SLC35F4: variants seen among roughly 807,000 people sequenced by gnomAD.
The protein encoded by SLC35F4 is solute carrier family 35 member F4.
Under a neutral mutation model 44.2 loss-of-function variants are expected in SLC35F4, and 24 were observed. The observed-to-expected ratio is 0.54, with a 90% confidence interval of 0.39 to 0.76. SLC35F4 has a LOEUF of 0.76. Among genes scored for constraint, SLC35F4 ranks in the 30% least tolerant of loss-of-function variants. The probability of loss-of-function intolerance (pLI) is 0.00; values close to 1 mark genes in which losing one functional copy is unlikely to be tolerated. For missense variants in SLC35F4, 562 were observed against 586.1 expected, an observed-to-expected ratio of 0.96 and a Z score of 0.42; for synonymous variants, 238 against 223.6, an observed-to-expected ratio of 1.06 and a Z score of -0.57.
intron 1 of SLC35F4, among the ~76,000 whole-genome samples, chr14:57,917,106 G>A (rs376136460): frequency 5.9e-5 from 9 of 152,164 alleles, no homozygotes; most frequent in African/African-American, 1.9e-4. Flanking sequence ...AGGCTCCCAC[G>A]CTGGAGTGCA....
intron 1 of SLC35F4, among the ~76,000 whole-genome samples, chr14:57,781,724 T>C (rs1233312868): frequency 6.6e-6 from 1 of 152,164 alleles, no homozygotes; most frequent in Non-Finnish European, 1.5e-5. Flanking sequence ...TGGAATACTA[T>C]GCAGCCATAA....
At position 57,713,519 on chromosome 14, in the gene SLC35F4, T is replaced by C. The variant is rs528186769; in HGVS notation, c.104-119395A>G. Among the ~76,000 whole-genome samples the C allele has an allele frequency of 2.6e-5, 4 of 152,316 alleles. No individual in the cohort carries two copies. In the South Asian group the frequency reaches 6.2e-4, roughly 24 times the overall value. ...ACACCATCAAACATTTTATTCTCTC[T>C]ACAGAGAAATTTTCTCTGCCAAATT... On this transcript the variant is annotated intron_variant, in intron 1 of 7. Coordinates refer to ENST00000556826, the MANE Select transcript of SLC35F4 (RefSeq NM_001306087.2).
At chr14:57,882,314 G>A (rs1413319724) in intron 1 of SLC35F4, among the ~76,000 whole-genome samples, 1 of 152,144 alleles carries the variant, frequency 6.6e-6, no homozygotes, top group Non-Finnish European at 1.5e-5. Context: ...CAGAATCCAG[G>A]TGAAAATCAG....
intron 1 of SLC35F4, among the ~76,000 whole-genome samples, chr14:57,830,797 G>T (rs189370441): frequency 2.6e-5 from 4 of 152,142 alleles, no homozygotes; most frequent in Admixed American, 2.6e-4. Flanking sequence ...GCAAGACAAA[G>T]AATCACACAC....
At chr14:57,865,689 C>G in intron 1 of SLC35F4, 34 bp downstream of exon 1, 1 of 1,498,104 alleles carries the variant, frequency 6.7e-7, no homozygotes, top group Non-Finnish European at 8.9e-7. Context: ...CCTCCCTTCC[C>G]CGCCTCGCGC....
chr14:57,948,932 T>C (rs1413867351), intron 1 of SLC35F4, among the ~76,000 whole-genome samples: 1 of 152,186 alleles, frequency 6.6e-6, no homozygotes, highest in Non-Finnish European at 1.5e-5. Flanking sequence ...TTAAATTTTT[T>C]GAGACTTGTT....
chr14:57,789,771 G>A (rs2140795708), intron 1 of SLC35F4, among the ~76,000 whole-genome samples: 1 of 152,290 alleles, frequency 6.6e-6, no homozygotes, highest in African/African-American at 2.4e-5. Context: ...ACTGAATCCA[G>A]CAGCACATCA....
chr14:57,845,549 C>A (rs530930814), intron 1 of SLC35F4, among the ~76,000 whole-genome samples: 7 of 152,286 alleles, frequency 4.6e-5, no homozygotes, highest in Admixed American at 1.3e-4. Flanking sequence ...TGGTTACAAT[C>A]CCACTATGAC....
intron 1 of SLC35F4, among the ~76,000 whole-genome samples, chr14:57,884,916 A>G (rs79645975): frequency 0.086 from 13,063 of 152,220 alleles, 630 homozygotes; most frequent in Middle Eastern, 0.15. Context: ...CTATGCTGTG[A>G]TAAGGATATC....
rs200443299 is a variant in SLC35F4 at position 57,844,611 on chromosome 14, GCT to G, written c.103+21110_103+21111del. Among the ~76,000 whole-genome samples the G allele has an allele frequency of 1.2e-3, 189 of 152,272 alleles. 3 individuals are homozygous for G. In the East Asian group the frequency reaches 0.032, roughly 26 times the overall value. The stretch of plus-strand genomic sequence containing the variant: ...ACTTGGCCACAGGAGTAGACAACTT[GCT>G]CTCTTTCTGTCCCCACATAAGCTTA... On this transcript the variant is annotated intron_variant, in intron 1 of 7. Coordinates refer to ENST00000556826, the MANE Select transcript of SLC35F4 (RefSeq NM_001306087.2).
At chr14:57,962,692 A>G (rs1459277162) in intron 1 of SLC35F4, among the ~76,000 whole-genome samples, 3 of 152,226 alleles carry the variant, frequency 2.0e-5, no homozygotes, top group South Asian at 4.1e-4. Context: ...GCTTCTTTGC[A>G]TAAAGAAAAC....
chr14:57,839,325 C>T (rs534047965), intron 1 of SLC35F4, among the ~76,000 whole-genome samples: 3 of 152,092 alleles, frequency 2.0e-5, no homozygotes, highest in Non-Finnish European at 4.4e-5. Flanking sequence ...ATTCTTGACC[C>T]GGCCTGCATC....
intron 1 of SLC35F4, among the ~76,000 whole-genome samples, chr14:57,811,346 C>G (rs1881940220): frequency 6.6e-6 from 1 of 152,104 alleles, no homozygotes; most frequent in Non-Finnish European, 1.5e-5. Context: ...ATTGTCTCGG[C>G]TCTAGAATAA....
At chr14:57,651,550 G>A (rs1013615719) in intron 1 of SLC35F4, among the ~76,000 whole-genome samples, 2 of 152,098 alleles carry the variant, frequency 1.3e-5, no homozygotes, top group Admixed American at 1.3e-4. Flanking sequence ...CACCTCTGAG[G>A]AGTAACCCCA....
At chr14:57,581,084 T>A (rs946106816) in intron 4 of SLC35F4, 130 bp downstream of exon 4, 2 of 870,722 alleles carry the variant, frequency 2.3e-6, no homozygotes, top group Non-Finnish European at 3.2e-6. Context: ...GTCTTCAGAT[T>A]TCGGTTTGTA....
At chr14:57,911,932 A>G (rs1889223686) in intron 1 of SLC35F4, among the ~76,000 whole-genome samples, 1 of 152,084 alleles carries the variant, frequency 6.6e-6, no homozygotes, top group South Asian at 2.1e-4. Context: ...TTGGAAGGTT[A>G]TTAATTATTG....
At chr14:57,781,812 C>A (rs1423119741) in intron 1 of SLC35F4, among the ~76,000 whole-genome samples, 1 of 152,110 alleles carries the variant, frequency 6.6e-6, no homozygotes, top group Non-Finnish European at 1.5e-5. Context: ...GATGCAGGAA[C>A]AGAAAACCAA....
At chr14:57,861,723 C>T (rs563641033) in intron 1 of SLC35F4, among the ~76,000 whole-genome samples, 25 of 152,176 alleles carry the variant, frequency 1.6e-4, no homozygotes, top group Non-Finnish European at 3.4e-4. Flanking sequence ...CAGCTAAACT[C>T]TTCCCCTTCA....
At chr14:57,840,034 T>C (rs551292274) in intron 1 of SLC35F4, among the ~76,000 whole-genome samples, 2 of 152,344 alleles carry the variant, frequency 1.3e-5, no homozygotes, top group African/African-American at 4.8e-5. Context: ...ATACATTTTA[T>C]TGAGTGCCTA....
Sources: gnomAD v4.1 joint callset for allele counts (sites outside exome capture counted in the v4.1 genomes callset) on GRCh38, gnomAD v4.1.1 for gene constraint, MANE v1.5 for transcripts, NCBI Gene and HGNC (gene_info 2026-07-23, HGNC 2026-07-21) for gene names.